NALF1: variants seen among roughly 807,000 people sequenced by gnomAD.
The protein encoded by NALF1 is NALCN channel auxiliary factor 1.
Under a neutral mutation model 48.4 loss-of-function variants are expected in NALF1, and 3 were observed. The ratio of observed to expected loss-of-function variants is 0.06; its 90% confidence interval spans 0.03 to 0.16. The LOEUF is 0.16. NALF1 is among the 10% of genes least tolerant of loss of function. The pLI is 1.00. For missense variants in NALF1, 526 were observed against 571.5 expected, an observed-to-expected ratio of 0.92 and a Z score of 0.81; for synonymous variants, 262 against 245.7, an observed-to-expected ratio of 1.07 and a Z score of -0.62.
At chr13:107,309,761 C>T (rs1330509725) in intron 1 of NALF1, among the ~76,000 whole-genome samples, 1 of 152,204 alleles carries the variant, frequency 6.6e-6, no homozygotes, top group Non-Finnish European at 1.5e-5. Context: ...AGTTGGAACA[C>T]ATAGCAAATT....
At chr13:107,334,249 TAAAC>T (rs1451017706) in intron 1 of NALF1, among the ~76,000 whole-genome samples, 1 of 152,198 alleles carries the variant, frequency 6.6e-6, no homozygotes, top group African/African-American at 2.4e-5. Flanking sequence ...GTGCTCTTCC[TAAAC>T]AGAAACCCCA....
chr13:107,352,241 G>C (rs997091806), intron 1 of NALF1, among the ~76,000 whole-genome samples: 7 of 152,158 alleles, frequency 4.6e-5, no homozygotes, highest in Non-Finnish European at 1.0e-4. Flanking sequence ...ATGGTAGTTA[G>C]CGAGGGAAGG....
intron 1 of NALF1, among the ~76,000 whole-genome samples, chr13:107,700,627 A>G (rs1881796533): frequency 6.6e-6 from 1 of 152,104 alleles, no homozygotes; most frequent in Non-Finnish European, 1.5e-5. Flanking sequence ...AAAATACCTG[A>G]ACAGGACTAC....
At chr13:107,854,365 C>A (rs1880390481) in intron 1 of NALF1, among the ~76,000 whole-genome samples, 1 of 152,224 alleles carries the variant, frequency 6.6e-6, no homozygotes, top group Non-Finnish European at 1.5e-5. Flanking sequence ...TGGCATGAGG[C>A]CATTGCCTGA....
chr13:107,321,035 G>A (rs1882244780), intron 1 of NALF1: 1 of 152,372 alleles, frequency 6.6e-6, no homozygotes, highest in African/African-American at 2.4e-5. Context: ...AGCTAAGGAA[G>A]TCTAAAATGT....
At chr13:107,514,232 T>C (rs1316803991) in intron 1 of NALF1, among the ~76,000 whole-genome samples, 1 of 152,236 alleles carries the variant, frequency 6.6e-6, no homozygotes, top group African/African-American at 2.4e-5. Context: ...TTCCTCTTCT[T>C]AATCTCTCTT....
chr13:107,230,802 G>A (rs1404075666), intron 1 of NALF1, among the ~76,000 whole-genome samples: 2 of 152,118 alleles, frequency 1.3e-5, no homozygotes, highest in Non-Finnish European at 2.9e-5. Flanking sequence ...GCTCATGGCT[G>A]TAATCCCAGC....
chr13:107,694,188 C>T (rs1451999015), intron 1 of NALF1, among the ~76,000 whole-genome samples: 6 of 152,288 alleles, frequency 3.9e-5, no homozygotes, highest in South Asian at 4.1e-4. Context: ...GACTAGGAGA[C>T]GCCGTTTCAA....
chr13:107,311,782 A>G (rs1882051413), intron 1 of NALF1, among the ~76,000 whole-genome samples: 1 of 152,348 alleles, frequency 6.6e-6, no homozygotes, highest in Non-Finnish European at 1.5e-5. Context: ...GACACTTCTC[A>G]AAAGAAGACA....
chr13:107,304,393 A>G (rs1280324838), intron 1 of NALF1, among the ~76,000 whole-genome samples: 2 of 152,252 alleles, frequency 1.3e-5, no homozygotes, highest in Non-Finnish European at 2.9e-5. Flanking sequence ...CTGAAACTAT[A>G]CAGACAGCAT....
chr13:107,326,659 T>A (rs1018036656), intron 1 of NALF1, among the ~76,000 whole-genome samples: 1 of 152,066 alleles, frequency 6.6e-6, no homozygotes, highest in Non-Finnish European at 1.5e-5. Context: ...TTAAAATGAG[T>A]GTTGAAGGTT....
Position 107,403,205 on chromosome 13 carries a change from T to TATTTTA in NALF1, c.916-192451_916-192450insTAAAAT, listed in dbSNP as rs1566327338. Among the ~76,000 whole-genome samples, 264 of 144,558 alleles carry TATTTTA rather than the reference T, an allele frequency of 1.8e-3. 6 individuals carry two copies. Among genetic ancestry groups the TATTTTA allele is most frequent in the African/African-American group, 6.3e-3 (247 of 39,410 alleles). 94.8% of individuals were successfully genotyped at this position (144,558 alleles called of 152,430 possible). A position where few individuals can be genotyped will look rare whatever the true frequency, so the allele number is the denominator to read the frequency against. On this transcript the variant is annotated intron_variant, in intron 1 of 2. Coordinates refer to ENST00000375915, the MANE Select transcript of NALF1 (RefSeq NM_001080396.3). ...TGTTCGGGCTTTTTTTTTTTTTTTT[T>TATTTTA]TTTTTTTTTTTTTATCATTTTCGTA...
chr13:107,740,016 T>C (rs1421625048), intron 1 of NALF1, among the ~76,000 whole-genome samples: 1 of 152,114 alleles, frequency 6.6e-6, no homozygotes, highest in Non-Finnish European at 1.5e-5. Flanking sequence ...AGATCCATAT[T>C]ATGGTGTAAT....
At chr13:107,644,642 CATACATATATAT>C (rs1488778275) in intron 1 of NALF1, among the ~76,000 whole-genome samples, 1 of 92,216 alleles carries the variant, frequency 1.1e-5, no homozygotes. Flanking sequence ...TACATACATA[CATACATATATAT>C]ATATATATAT....
At chr13:107,531,672 T>C (rs945370595) in intron 1 of NALF1, among the ~76,000 whole-genome samples, 7 of 152,230 alleles carry the variant, frequency 4.6e-5, no homozygotes, top group Non-Finnish European at 1.0e-4. Flanking sequence ...GTTTGTATTT[T>C]TTTCATTTTA....
chr13:107,412,775 G>A (rs7321622), intron 1 of NALF1, among the ~76,000 whole-genome samples: 63,435 of 152,052 alleles, frequency 0.42, 13,372 homozygotes, highest in Middle Eastern at 0.53. Context: ...ATTAACCAAT[G>A]TTGTGAGGGC....
At chr13:107,341,832 A>C (rs1354383723) in intron 1 of NALF1, among the ~76,000 whole-genome samples, 2 of 151,492 alleles carry the variant, frequency 1.3e-5, no homozygotes, top group African/African-American at 4.8e-5. Context: ...GTAGTATTTC[A>C]TATATATACA....
At chr13:107,613,529 G>C (rs1416251688) in intron 1 of NALF1, among the ~76,000 whole-genome samples, 1 of 152,116 alleles carries the variant, frequency 6.6e-6, no homozygotes. Flanking sequence ...TAAAGTATAA[G>C]TTTTATAAAA....
At chr13:107,208,562 G>C (rs530370571) in intron 2 of NALF1, among the ~76,000 whole-genome samples, 1 of 152,216 alleles carries the variant, frequency 6.6e-6, no homozygotes, top group Non-Finnish European at 1.5e-5. Flanking sequence ...TGGGTTTTTT[G>C]TCTACTTTGA....
Sources: gnomAD v4.1 joint callset for allele counts (sites outside exome capture counted in the v4.1 genomes callset) on GRCh38, gnomAD v4.1.1 for gene constraint, MANE v1.5 for transcripts, NCBI Gene and HGNC (gene_info 2026-07-23, HGNC 2026-07-21) for gene names.